Variants in LCLAT1 observed in about 807,000 individuals in gnomAD.
The protein encoded by LCLAT1 is lysocardiolipin acyltransferase 1, also known as 1-AGP acyltransferase 8.
A neutral mutation model predicts 30.7 loss-of-function variants in LCLAT1; 11 were observed. The observed-to-expected ratio is 0.36, with a 90% CI of 0.23 to 0.59. LCLAT1 has a LOEUF of 0.59. LCLAT1 is among the 20% of genes least tolerant of loss of function. The pLI is 0.77. For synonymous variants in LCLAT1, 155 were observed against 151.3 expected, an observed-to-expected ratio of 1.02 and a Z score of -0.18; for missense variants, 402 against 458.6, an observed-to-expected ratio of 0.88 and a Z score of 1.13.
chr2:30,463,208 A>G (rs1000519101), intron 1 of LCLAT1, among the ~76,000 whole-genome samples: 6 of 152,092 alleles, frequency 3.9e-5, no homozygotes, highest in African/African-American at 1.4e-4. Context: ...GAGATAGTTG[A>G]TAACCATGTT....
intron 1 of LCLAT1, among the ~76,000 whole-genome samples, chr2:30,505,209 T>C (rs752860262): frequency 6.6e-5 from 10 of 152,152 alleles, no homozygotes; most frequent in Non-Finnish European, 1.5e-5. Context: ...ATTAATGATA[T>C]TCAGAATAGC....
In LCLAT1 at chr2:30,566,327, T is replaced by C. The variant is rs998932824; in HGVS notation, c.512-1733T>C. On this transcript the variant is annotated intron_variant, in intron 4 of 5. Transcript: ENST00000379509. ...GGGTAGTTACTACTCATCTTTGTGGTGTCTATGGGATTCCTAATCCCATTT... is the reference window on the plus strand; with the variant it reads ...GGGTAGTTACTACTCATCTTTGTGGCGTCTATGGGATTCCTAATCCCATTT... Among the ~76,000 whole-genome samples, 4 of 152,276 alleles carry C rather than the reference T, an allele frequency of 2.6e-5. No individual in the cohort carries two copies. In the East Asian group the frequency reaches 7.7e-4, roughly 29 times the overall value.
At chr2:30,456,977 A>G (rs1681869881) in intron 1 of LCLAT1, among the ~76,000 whole-genome samples, 1 of 152,208 alleles carries the variant, frequency 6.6e-6, no homozygotes, top group Non-Finnish European at 1.5e-5. Context: ...AAGACACTGA[A>G]GGAAGCTAGT....
At chr2:30,568,280 C>T in intron 5 of LCLAT1, 104 bp downstream of exon 5, 1 of 578,612 alleles carries the variant, frequency 1.7e-6, no homozygotes. Flanking sequence ...ACTACTTTGT[C>T]TCAAGAAATG....
chr2:30,525,944 GTTGTTA>G (rs1436948771), intron 2 of LCLAT1, among the ~76,000 whole-genome samples, 189 bp downstream of exon 2: 1 of 152,120 alleles, frequency 6.6e-6, no homozygotes, highest in Non-Finnish European at 1.5e-5. Context: ...TATGTAAATA[GTTGTTA>G]TTGTTAGGGA....
At chr2:30,557,464 G>C (rs898003927) in intron 3 of LCLAT1, among the ~76,000 whole-genome samples, 4 of 151,674 alleles carry the variant, frequency 2.6e-5, no homozygotes, top group Admixed American at 1.3e-4. Context: ...GCCCAGCCTG[G>C]AGTGCAATGG....
intron 1 of LCLAT1, among the ~76,000 whole-genome samples, chr2:30,462,964 G>C (rs1329827310): frequency 6.6e-6 from 1 of 152,010 alleles, no homozygotes; most frequent in Non-Finnish European, 1.5e-5. Context: ...CAATCTCTTG[G>C]TATTTTTTAG....
chr2:30,627,087 C>T (rs1220190400), intron 5 of LCLAT1, among the ~76,000 whole-genome samples: 1 of 152,106 alleles, frequency 6.6e-6, no homozygotes, highest in Non-Finnish European at 1.5e-5. Context: ...GTGAGAAACA[C>T]ACTCACCCAT....
chr2:30,472,486 A>G (rs1682848914), intron 1 of LCLAT1, among the ~76,000 whole-genome samples: 2 of 152,232 alleles, frequency 1.3e-5, no homozygotes, highest in African/African-American at 4.8e-5. Flanking sequence ...ACTGGAGGAA[A>G]GGACTGTAAT....
Position 30,640,724 on chromosome 2 carries a change from C to A in LCLAT1, c.*105C>A. Reference sequence around the variant, plus strand: ...GCATGACTATGTCGAATATTTCTTACTGCCATCATTATTTGTTAAAGATAT... The same window carrying A: ...GCATGACTATGTCGAATATTTCTTAATGCCATCATTATTTGTTAAAGATAT... On this transcript the variant is annotated 3_prime_UTR_variant, in exon 6 of 6. Coordinates refer to ENST00000379509, the MANE Select transcript of LCLAT1 (RefSeq NM_001002257.3). 3 of 1,290,794 alleles carry A rather than the reference C, an allele frequency of 2.3e-6. No homozygotes were observed. The highest frequency in any genetic ancestry group is 2.8e-4 in the Middle Eastern group (1 of 3,554). The allele number at this position is 1,290,794 out of a possible 1,614,324, so 80.0% of individuals were successfully genotyped here.
intron 1 of LCLAT1, among the ~76,000 whole-genome samples, chr2:30,460,553 T>A (rs1400829733): frequency 3.3e-5 from 5 of 152,258 alleles, no homozygotes; most frequent in Admixed American, 3.3e-4. Context: ...TGTGATATGA[T>A]GAAGAATCTA....
At chr2:30,580,197 A>G (rs1352430783) in intron 5 of LCLAT1, among the ~76,000 whole-genome samples, 2 of 152,170 alleles carry the variant, frequency 1.3e-5, no homozygotes, top group East Asian at 3.9e-4. Flanking sequence ...AAACAAATAA[A>G]TCTTGTCTTT....
intron 3 of LCLAT1, among the ~76,000 whole-genome samples, chr2:30,535,368 C>T (rs1686193619): frequency 6.6e-6 from 1 of 152,146 alleles, no homozygotes; most frequent in African/African-American, 2.4e-5. Flanking sequence ...ATGACATGCA[C>T]CTGGGGCTTG....
chr2:30,570,102 G>T (rs1665715940), intron 5 of LCLAT1, among the ~76,000 whole-genome samples: 1 of 151,932 alleles, frequency 6.6e-6, no homozygotes, highest in African/African-American at 2.4e-5. Context: ...ACAATCTATA[G>T]AGCTCTCTTT....
At chr2:30,526,252 T>C (rs1303110906) in intron 2 of LCLAT1, among the ~76,000 whole-genome samples, 1 of 152,184 alleles carries the variant, frequency 6.6e-6, no homozygotes, top group Non-Finnish European at 1.5e-5. Flanking sequence ...CAATTATATG[T>C]ATGTTAGATT....
chr2:30,627,735 G>A (rs1668581214), intron 5 of LCLAT1, among the ~76,000 whole-genome samples: 1 of 151,734 alleles, frequency 6.6e-6, no homozygotes, highest in African/African-American at 2.4e-5. Context: ...ACAGGTCTTT[G>A]ACTAATATTT....
At chr2:30,591,287 T>C (rs2253299) in intron 5 of LCLAT1, among the ~76,000 whole-genome samples, 20,624 of 152,146 alleles carry the variant, frequency 0.14, 1,753 homozygotes, top group African/African-American at 0.24. Flanking sequence ...TGCTTCGGGA[T>C]TACTGTCAGG....
chr2:30,490,083 A>G (rs1042685288), intron 1 of LCLAT1, among the ~76,000 whole-genome samples: 3 of 151,546 alleles, frequency 2.0e-5, no homozygotes, highest in African/African-American at 4.9e-5. Flanking sequence ...TATCACCCCT[A>G]TTTTTTACAA....
At chr2:30,538,856 A>T (rs1248284584) in intron 3 of LCLAT1, among the ~76,000 whole-genome samples, 2 of 152,110 alleles carry the variant, frequency 1.3e-5, no homozygotes, top group African/African-American at 2.4e-5. Flanking sequence ...CAAACAGACC[A>T]ATAACAAGTA....
Sources: gnomAD v4.1 joint callset for allele counts (sites outside exome capture counted in the v4.1 genomes callset) on GRCh38, gnomAD v4.1.1 for gene constraint, MANE v1.5 for transcripts, NCBI Gene and HGNC (gene_info 2026-07-23, HGNC 2026-07-21) for gene names.